The following ANKRD26 variants were observed in gnomAD, a reference collection of about 807,000 sequenced individuals.
The protein encoded by ANKRD26 is ankyrin repeat domain 26.
ANKRD26 carries 141 observed loss-of-function variants against 208.7 expected under a neutral mutation model. That is an observed-to-expected ratio of 0.68 (90% CI 0.59 to 0.78). The LOEUF (loss-of-function observed/expected upper bound fraction) is 0.78, where lower values mean the gene tolerates loss of function less well. ANKRD26 is among the 30% of genes least tolerant of loss of function. ANKRD26 has a pLI of 0.00. For missense variants in ANKRD26, 1,889 were observed against 1,938.7 expected (o/e 0.97, Z 0.48); for synonymous variants, 636 against 660.4 (o/e 0.96, Z 0.57).
chr10:27,092,202 G>A (rs534956353), intron 4 of ANKRD26, among the ~76,000 whole-genome samples: 1 of 152,024 alleles, frequency 6.6e-6, no homozygotes, highest in African/African-American at 2.4e-5. Flanking sequence ...ACTGATTTGT[G>A]TTGCTATTTG....
intron 4 of ANKRD26, among the ~76,000 whole-genome samples, chr10:26,995,324 T>C (rs1420472314): frequency 6.6e-6 from 1 of 152,208 alleles, no homozygotes; most frequent in Admixed American, 6.5e-5. Context: ...TGATTATTTC[T>C]TCAACAGACT....
rs564448342 is a variant in ANKRD26 at position 27,035,595 on chromosome 10, T to C, written c.2855A>G (p.Lys952Arg). The change falls in exon 24 of 34, where the codon AAG (lysine) becomes AGG (arginine). Residue 952 changes from lysine (K) to arginine (R), a missense_variant. Lys to Arg is a conservative substitution (Grantham distance 26). Around this residue, in one of 3 missense-constraint regions of ANKRD26, gnomAD observed 1,272 missense variants for 1,273.8 expected, o/e 1.00. Transcript: ENST00000376087. Reference sequence around the variant, plus strand: ...TATAGTCTTCTGAAGGTCTTCATTCTTTTCTTTTACAATTTTAAGGTCCTC... The same window carrying C: ...TATAGTCTTCTGAAGGTCTTCATTCCTTTCTTTTACAATTTTAAGGTCCTC... ...CFEDLKIVKE[K>R]NEDLQKTIKQ... 6.2e-7 allele frequency: 1 copy of C among 1,606,246 alleles called. No individual in the cohort carries two copies. Among genetic ancestry groups the C allele is most frequent in the Admixed American group, 1.7e-5 (1 of 58,624 alleles).
chr10:27,012,572 C>T (rs374056886), intron 32 of ANKRD26, among the ~76,000 whole-genome samples: 145 of 152,018 alleles, frequency 9.5e-4, no homozygotes, highest in African/African-American at 3.2e-3. Context: ...CCCAGCACTT[C>T]GGGAGGGTGA....
intron 21 of ANKRD26, among the ~76,000 whole-genome samples, chr10:27,039,594 C>T (rs181596688): frequency 2.4e-3 from 362 of 151,930 alleles, no homozygotes; most frequent in African/African-American, 6.6e-3. Context: ...ATACTTTAAA[C>T]GAATAATTCT....
intron 33 of ANKRD26, 50 bp from the exon 34 acceptor site, chr10:27,005,773 T>G (rs2052853209): frequency 3.2e-6 from 5 of 1,571,864 alleles, no homozygotes; most frequent in African/African-American, 1.4e-5. Flanking sequence ...GATTTCATAG[T>G]TAACTAAGTG....
At chr10:27,081,070 G>T in intron 6 of ANKRD26, 1 of 462,392 alleles carries the variant, frequency 2.2e-6, no homozygotes, top group African/African-American at 2.1e-5. Flanking sequence ...ATTCCTACTG[G>T]CTGTAGAGAC....
At chr10:26,953,303 A>T in the ANKRD26 span, among the ~76,000 whole-genome samples, 16 of 152,194 alleles carry the variant, frequency 1.1e-4, no homozygotes, top group African/African-American at 3.9e-4. Flanking sequence ...TGTGCCTGTA[A>T]CCCTAGCTAC....
At position 27,035,322 on chromosome 10, in the gene ANKRD26, C is replaced by G. The variant is rs780361039; in HGVS notation, c.3128G>C (p.Arg1043Pro). The change falls in exon 24 of 34, where the codon CGT becomes CCT. Residue 1043 changes from arginine to proline, a missense_variant. Arg to Pro is a moderately radical substitution (Grantham distance 103, BLOSUM62 -2). Transcript: ENST00000376087. ...AFQRARDECSRLQDKMNFDVS... is the reference protein window; with the variant it reads ...AFQRARDECSPLQDKMNFDVS... ...ATCAAAATTCATTTTGTCCTGTAAACGAGAACATTCATCTCTTGCTCTCTG... is the reference window on the plus strand; with the variant it reads ...ATCAAAATTCATTTTGTCCTGTAAAGGAGAACATTCATCTCTTGCTCTCTG... 1 of 1,613,764 alleles carries G rather than the reference C, an allele frequency of 6.2e-7. No individual in the cohort carries two copies. Among genetic ancestry groups the G allele is most frequent in the African/African-American group, 1.3e-5 (1 of 74,908 alleles).
At chr10:27,081,050 G>T (rs1234192681) in intron 6 of ANKRD26, 4 of 646,600 alleles carry the variant, frequency 6.2e-6, no homozygotes, top group African/African-American at 4.0e-5. Flanking sequence ...GGCAGAAGTA[G>T]TTATAGTACA....
At chr10:27,051,829 C>G (rs957397645) in intron 16 of ANKRD26, 1 of 985,204 alleles carries the variant, frequency 1.0e-6, no homozygotes, top group South Asian at 4.7e-5. Context: ...TTAGAGTTAT[C>G]ATGTAGTGAC....
At chr10:26,960,865 C>A in the ANKRD26 span, among the ~76,000 whole-genome samples, 1 of 152,138 alleles carries the variant, frequency 6.6e-6, no homozygotes, top group African/African-American at 2.4e-5. Flanking sequence ...ACAGGAACAA[C>A]AGTGGGGGGT....
chr10:27,024,588 T>G (rs924817370), intron 27 of ANKRD26, 29 bp from the exon 28 acceptor site: 30 of 1,282,452 alleles, frequency 2.3e-5, no homozygotes, highest in Non-Finnish European at 2.5e-5. Flanking sequence ...TCAATTACTT[T>G]TAAAACTCTG....
chr10:27,057,435 T>C (rs893545067), intron 15 of ANKRD26, among the ~76,000 whole-genome samples: 2 of 152,244 alleles, frequency 1.3e-5, no homozygotes, highest in Admixed American at 6.5e-5. Flanking sequence ...AATTTTTTTA[T>C]GAACAAACTT....
chr10:26,964,368 C>T, the ANKRD26 span, among the ~76,000 whole-genome samples: 1 of 152,178 alleles, frequency 6.6e-6, no homozygotes, highest in Non-Finnish European at 1.5e-5. Context: ...GACAACACCA[C>T]ACCCTTCTCC....
Position 27,048,811 on chromosome 10 carries a change from CTT to C in ANKRD26, c.1802_1803del (p.Lys601ArgfsTer4), listed in dbSNP as rs781558318. ...DHQQFPRKEN[K>X]EYASSGPALQ... ...ATGCTATCAGCTTACCTAGCATACT[CTT>C]TATTTTCCTTCCTGGGAAATTGCTG... On this transcript the variant is annotated frameshift_variant, in exon 17 of 34. Transcript: ENST00000376087. LOFTEE classifies it high-confidence loss of function. The C allele has an allele frequency of 6.2e-7, 1 of 1,613,010 alleles. No homozygotes were observed. Among genetic ancestry groups the C allele is most frequent in the South Asian group, 1.1e-5 (1 of 91,026 alleles).
intron 9 of ANKRD26, among the ~76,000 whole-genome samples, chr10:27,075,578 G>A (rs191353728): frequency 5.6e-4 from 86 of 152,222 alleles, no homozygotes; most frequent in African/African-American, 2.0e-3. Context: ...TATCTTCAGA[G>A]CTCCCAGATT....
downstream of ANKRD26, among the ~76,000 whole-genome samples, chr10:27,002,146 G>A (rs1480432308): frequency 6.6e-6 from 1 of 152,174 alleles, no homozygotes; most frequent in East Asian, 1.9e-4. Flanking sequence ...GGGAAAGGAT[G>A]GGGTGAAGAC....
intron 32 of ANKRD26, among the ~76,000 whole-genome samples, chr10:27,012,664 T>G (rs531966650): frequency 6.8e-4 from 103 of 152,032 alleles, no homozygotes; most frequent in African/African-American, 2.4e-3. Flanking sequence ...AATATAAAAA[T>G]TAGCTGGGTG....
At chr10:27,030,903 C>T (rs1288058193) in intron 25 of ANKRD26, among the ~76,000 whole-genome samples, 7 of 151,938 alleles carry the variant, frequency 4.6e-5, no homozygotes, top group Admixed American at 4.6e-4. Flanking sequence ...AGGTGACAGG[C>T]ATATCAGATA....
Sources: gnomAD v4.1 joint callset for allele counts (sites outside exome capture counted in the v4.1 genomes callset) on GRCh38, gnomAD v4.1.1 for gene constraint, gnomAD v4.1.1 regional missense constraint, MANE v1.5 for transcripts, NCBI Gene and HGNC (gene_info 2026-07-23, HGNC 2026-07-21) for gene names.